Variants in EEF1AKMT4 observed in about 807,000 individuals in gnomAD.
EEF1AKMT4 encodes the protein eukaryotic translation elongation factor 1 alpha lysine specific methyltransferase 4.
Under a neutral mutation model 23.0 loss-of-function variants are expected in EEF1AKMT4, and 17 were observed. The observed-to-expected ratio is 0.74, with a 90% confidence interval of 0.51 to 1.11. EEF1AKMT4 has a LOEUF of 1.11. Ranked by LOEUF, EEF1AKMT4 falls within the 50% of genes least tolerant of loss-of-function variation. The pLI, the probability that EEF1AKMT4 is intolerant of heterozygous loss-of-function variation, is 0.00. For missense variants in EEF1AKMT4, 318 were observed against 333.4 expected (o/e 0.95, Z 0.36); for synonymous variants, 140 against 141.4 (o/e 0.99, Z 0.07).
intron 1 of EEF1AKMT4, among the ~76,000 whole-genome samples, chr3:184,257,065 C>A (rs980462009): frequency 6.6e-6 from 1 of 151,678 alleles, no homozygotes; most frequent in African/African-American, 2.4e-5. Context: ...CAAGTTTTAG[C>A]CAGGCGTGGT....
rs778949682 is a variant in EEF1AKMT4, at chr3:184,249,810, A to G, written c.116A>G (p.Tyr39Cys). ...CAAGGCGCAGCCGATTCTGCCCCCT[A>G]CGATTGGTTCGGGGACTTCTCCTCC... ...RYQGAADSAP[Y>C]DWFGDFSSFR... is the part of the protein sequence containing the mutation. The change falls in exon 1 of 3, where the codon TAC becomes TGC. Residue 39 changes from tyrosine (Y) to cysteine (C), a missense_variant. Coordinates refer to ENST00000324557, the MANE Select transcript of EEF1AKMT4 (RefSeq NM_032331.4). The G allele has an allele frequency of 8.1e-6, 13 of 1,613,186 alleles. No homozygotes were observed. The African/African-American group carries it at 1.3e-4, about 17-fold the overall frequency.
chr3:184,250,750 T>C (rs1719500778), intron 1 of EEF1AKMT4, among the ~76,000 whole-genome samples: 1 of 152,138 alleles, frequency 6.6e-6, no homozygotes, highest in African/African-American at 2.4e-5. Flanking sequence ...GTTTGAGAAA[T>C]AGAACATTAC....
chr3:184,255,863 T>C (rs890892956), intron 1 of EEF1AKMT4, among the ~76,000 whole-genome samples: 3 of 152,252 alleles, frequency 2.0e-5, no homozygotes, highest in Non-Finnish European at 2.9e-5. Context: ...CCTGTCTCTA[T>C]TGAAACACTC....
chr3:184,256,224 A>G (rs990111996), intron 1 of EEF1AKMT4, among the ~76,000 whole-genome samples: 2 of 147,014 alleles, frequency 1.4e-5, no homozygotes, highest in Admixed American at 7.0e-5. Context: ...GTGAGCCGAG[A>G]TCGTGCCTCT....
intron 1 of EEF1AKMT4, 45 bp downstream of exon 1, chr3:184,249,935 C>T: frequency 1.3e-6 from 2 of 1,587,402 alleles, no homozygotes; most frequent in Non-Finnish European, 8.6e-7. Flanking sequence ...CTGGCAGGAC[C>T]GGCGCCGCAT....
Position 184,253,806 on chromosome 3 carries a change from A to C in EEF1AKMT4, c.197-3667A>C, listed in dbSNP as rs567248467. Among the ~76,000 whole-genome samples, 129 of 151,528 alleles carry C rather than the reference A, an allele frequency of 8.5e-4. 1 individual carries two copies. In the Middle Eastern group the frequency reaches 0.01, roughly 12 times the overall value. ...TGCCTCAGCCTTCCGAGTAGCTGGG[A>C]TTACAGGCGCCCACCACCACACCTG... On this transcript the variant is annotated intron_variant, in intron 1 of 2. Transcript: ENST00000324557.
chr3:184,251,996 C>A (rs530216892), intron 1 of EEF1AKMT4, among the ~76,000 whole-genome samples: 2 of 152,232 alleles, frequency 1.3e-5, no homozygotes, highest in Non-Finnish European at 2.9e-5. Context: ...CAAGTAAACA[C>A]TTTCTTGAAT....
At position 184,258,692 on chromosome 3, in the gene EEF1AKMT4, A is replaced by G. The variant is rs1719924072; in HGVS notation, c.*117A>G. ...AAGGTGCTTACATCCCAGGGGCCTC[A>G]TGCCTAAGATAGAGGGTGGGAGCGA... On this transcript the variant is annotated 3_prime_UTR_variant, in exon 3 of 3. Transcript: ENST00000324557. The G allele has an allele frequency of 2.7e-6, 4 of 1,473,210 alleles. No homozygotes were observed. The highest frequency in any genetic ancestry group is 1.4e-5 in the South Asian group (1 of 69,316). The allele number at this position is 1,473,210 out of a possible 1,614,324, so 91.3% of individuals were successfully genotyped here.
intron 1 of EEF1AKMT4, among the ~76,000 whole-genome samples, chr3:184,251,085 CAA>C (rs57069077): frequency 8.5e-5 from 6 of 70,884 alleles, no homozygotes; most frequent in Non-Finnish European, 7.9e-5. Flanking sequence ...AACTCTGTCT[CAA>C]AAAAAAAAAA....
intron 1 of EEF1AKMT4, among the ~76,000 whole-genome samples, chr3:184,253,644 GA>G (rs1273079497): frequency 1.3e-5 from 2 of 150,076 alleles, no homozygotes; most frequent in African/African-American, 4.9e-5. Flanking sequence ...TTCCCATGTA[GA>G]AAATGGGAAT....
At chr3:184,257,424 G>A in intron 1 of EEF1AKMT4, 49 bp from the exon 2 acceptor site, 1 of 1,553,798 alleles carries the variant, frequency 6.4e-7, no homozygotes, top group Non-Finnish European at 8.7e-7. Context: ...GGGGAGGTGA[G>A]AACCAAAACT....
intron 1 of EEF1AKMT4, among the ~76,000 whole-genome samples, chr3:184,254,693 A>C (rs922815436): frequency 1.3e-5 from 2 of 152,068 alleles, no homozygotes; most frequent in African/African-American, 4.8e-5. Context: ...AAAAAAAAAA[A>C]CTTAATTTGG....
At chr3:184,256,357 C>T (rs1266561595) in intron 1 of EEF1AKMT4, among the ~76,000 whole-genome samples, 1 of 151,956 alleles carries the variant, frequency 6.6e-6, no homozygotes, top group Non-Finnish European at 1.5e-5. Context: ...ACCTAGTTTC[C>T]CCTTCACTTG....
In EEF1AKMT4 at chr3:184,258,481, G is replaced by C. The variant is rs760184482; in HGVS notation, c.674G>C (p.Gly225Ala). ...CTCAGTGTGGCCCAGCTGGCTCTGG[G>C]GGCCCAAATCCTCTCACCCCCCAGA... Reference protein sequence around the residue: ...GKLSVAQLALGAQILSPPRPP... With the variant: ...GKLSVAQLALAAQILSPPRPP... Residue 225 changes from glycine to alanine, a missense_variant, in exon 3 of 3, where the codon GGG (glycine) becomes GCG (alanine). By Grantham distance (60) the Gly-to-Ala change is moderately conservative. Transcript: ENST00000324557. 1 of 1,613,766 alleles carries C rather than the reference G, an allele frequency of 6.2e-7. No homozygotes were observed. The highest frequency in any genetic ancestry group is 2.2e-5 in the East Asian group (1 of 44,858).
Position 184,258,743 on chromosome 3 carries a change from C to T in EEF1AKMT4, c.*168C>T. 7.6e-7 allele frequency: 1 copy of T among 1,321,158 alleles called. No homozygotes were observed. Among genetic ancestry groups the T allele is most frequent in the Non-Finnish European group, 9.6e-7 (1 of 1,039,796 alleles). 81.8% of individuals were successfully genotyped at this position (1,321,158 alleles called of 1,614,324 possible). On this transcript the variant is annotated 3_prime_UTR_variant, in exon 3 of 3. Transcript: ENST00000324557. Reference sequence around the variant, plus strand: ...ACCCACATGAACCAATACAGCCCAGCTCCAACTAGATCCAGATTCCAGGTT... The same window carrying T: ...ACCCACATGAACCAATACAGCCCAGTTCCAACTAGATCCAGATTCCAGGTT...
At chr3:184,256,288 AAAG>A (rs1228666503) in intron 1 of EEF1AKMT4, among the ~76,000 whole-genome samples, 2 of 146,718 alleles carry the variant, frequency 1.4e-5, no homozygotes, top group Non-Finnish European at 1.5e-5. Context: ...AAAAAAAAAA[AAAG>A]AAAAGAAAAG....
intron 1 of EEF1AKMT4, among the ~76,000 whole-genome samples, chr3:184,256,643 C>A (rs1312731229): frequency 6.6e-6 from 1 of 151,876 alleles, no homozygotes; most frequent in Non-Finnish European, 1.5e-5. Context: ...AGAGCTCCTT[C>A]AGCTACTCTA....
rs560695637 is a variant in EEF1AKMT4, at chr3:184,258,096, GA to G, written c.481-190del. ...TGATATCACTCCTATACCCTTCCCTGAATAGAATATAGCCCTAATCCCAAGG... is the reference window on the plus strand; with the variant it reads ...TGATATCACTCCTATACCCTTCCCTGATAGAATATAGCCCTAATCCCAAGG... On this transcript the variant is annotated intron_variant, in intron 2 of 2. Coordinates refer to ENST00000324557, the MANE Select transcript of EEF1AKMT4 (RefSeq NM_032331.4). Among the ~76,000 whole-genome samples, 6 of 152,262 alleles carry G rather than the reference GA, an allele frequency of 3.9e-5. No homozygotes were observed. The East Asian group carries it at 1.2e-3, about 29-fold the overall frequency.
At chr3:184,251,719 AAAAC>A (rs1037117896) in intron 1 of EEF1AKMT4, among the ~76,000 whole-genome samples, 10 of 152,142 alleles carry the variant, frequency 6.6e-5, no homozygotes, top group African/African-American at 2.2e-4. Context: ...AGCAAAACAA[AAAAC>A]AAACAAACAA....
Sources: gnomAD v4.1 joint callset for allele counts (sites outside exome capture counted in the v4.1 genomes callset) on GRCh38, gnomAD v4.1.1 for gene constraint, MANE v1.5 for transcripts, NCBI Gene and HGNC (gene_info 2026-07-23, HGNC 2026-07-21) for gene names.